The following CLIP4 variants were observed in gnomAD, a reference collection of about 807,000 sequenced individuals.
CLIP4 encodes CAP-Gly domain-containing linker protein 4.
In CLIP4, 47 loss-of-function variants were observed where a neutral mutation model predicts 73.1. The ratio of observed to expected loss-of-function variants is 0.64; its 90% CI spans 0.51 to 0.82. CLIP4 has a LOEUF of 0.82. CLIP4 is among the 40% of genes least tolerant of loss of function. CLIP4 has a pLI of 0.00. For synonymous variants in CLIP4, 306 were observed against 295.4 expected (o/e 1.04, Z -0.37); for missense variants, 874 against 852.9 (o/e 1.02, Z -0.31).
At chr2:29,152,863 G>A in intron 9 of CLIP4, 35 bp downstream of exon 9, 1 of 1,599,272 alleles carries the variant, frequency 6.3e-7, no homozygotes, top group Non-Finnish European at 8.5e-7. Flanking sequence ...ATCTGCTTCA[G>A]TGTTTTAATT....
chr2:29,153,462 T>G (rs1009384357), intron 9 of CLIP4, among the ~76,000 whole-genome samples: 2 of 151,968 alleles, frequency 1.3e-5, no homozygotes, highest in East Asian at 3.9e-4. Context: ...TGTCTCTAGT[T>G]CACTTTAATC....
At chr2:29,106,462 A>G (rs78263487) in intron 1 of CLIP4, among the ~76,000 whole-genome samples, 3,560 of 152,238 alleles carry the variant, frequency 0.023, 118 homozygotes, top group East Asian at 0.091. Context: ...GTGTCTTATG[A>G]TCACAGCTAT....
intron 12 of CLIP4, among the ~76,000 whole-genome samples, chr2:29,161,691 C>T (rs1300018586): frequency 1.3e-5 from 2 of 152,178 alleles, no homozygotes; most frequent in Non-Finnish European, 2.9e-5. Context: ...GTCACCTGCA[C>T]AGCCAGTGTT....
intron 1 of CLIP4, among the ~76,000 whole-genome samples, chr2:29,107,358 G>GTTTTTTTTTTTTTTTTTGTTTTTTTTGT (rs1668241576): frequency 1.5e-5 from 1 of 65,352 alleles, no homozygotes; most frequent in African/African-American, 5.2e-5. Flanking sequence ...GAACATGATA[G>GTTTTTTTTTTTTTTTTTGTTTTTTTTGT]TTTTTTTTTT....
At chr2:29,164,085 C>A in intron 13 of CLIP4, 131 bp downstream of exon 13, 1 of 772,068 alleles carries the variant, frequency 1.3e-6, no homozygotes, top group Non-Finnish European at 2.0e-6. Flanking sequence ...GTTAACCAAC[C>A]ACCTTCTTCA....
chr2:29,156,713 T>C (rs979950791), intron 10 of CLIP4, among the ~76,000 whole-genome samples: 34 of 152,226 alleles, frequency 2.2e-4, no homozygotes, highest in African/African-American at 8.2e-4. Flanking sequence ...TTCCATAATA[T>C]AGAGCACTCT....
At chr2:29,157,557 T>C (rs539335158) in intron 11 of CLIP4, among the ~76,000 whole-genome samples, 187 of 152,382 alleles carry the variant, frequency 1.2e-3, no homozygotes, top group African/African-American at 4.3e-3. Context: ...TATTTTCATG[T>C]AATTCATTCT....
intron 15 of CLIP4, 71 bp downstream of exon 15, chr2:29,174,516 G>A (rs1573039844): frequency 6.4e-7 from 1 of 1,567,308 alleles, no homozygotes; most frequent in African/African-American, 1.4e-5. Flanking sequence ...AGAAAGAAAA[G>A]TGGAGTGCTG....
chr2:29,133,392 A>G (rs916620495), intron 4 of CLIP4, among the ~76,000 whole-genome samples: 8 of 152,198 alleles, frequency 5.3e-5, no homozygotes, highest in Non-Finnish European at 1.0e-4. Context: ...CAATTTATTT[A>G]ACCAATTTCT....
intron 1 of CLIP4, among the ~76,000 whole-genome samples, chr2:29,107,771 C>T (rs949191820): frequency 1.3e-5 from 2 of 152,090 alleles, no homozygotes; most frequent in Non-Finnish European, 2.9e-5. Context: ...ACTGCATCCT[C>T]TATCTCCTGG....
At chr2:29,135,203 G>A (rs1558532971) in intron 5 of CLIP4, among the ~76,000 whole-genome samples, 1 of 152,292 alleles carries the variant, frequency 6.6e-6, no homozygotes, top group African/African-American at 2.4e-5. Context: ...CCTCACTGTA[G>A]TTGTCATGGC....
chr2:29,120,997 T>C (rs1664212395), intron 1 of CLIP4, among the ~76,000 whole-genome samples: 1 of 152,206 alleles, frequency 6.6e-6, no homozygotes, highest in South Asian at 2.1e-4. Context: ...ACAAATGATG[T>C]AACTTGTGCC....
intron 1 of CLIP4, among the ~76,000 whole-genome samples, chr2:29,119,490 T>C (rs1664110116): frequency 6.6e-6 from 1 of 152,192 alleles, no homozygotes; most frequent in African/African-American, 2.4e-5. Context: ...ATCTTTTTGC[T>C]GAAGAATTAA....
At chr2:29,137,199 G>A (rs1055650242) in intron 6 of CLIP4, among the ~76,000 whole-genome samples, 1 of 151,900 alleles carries the variant, frequency 6.6e-6, no homozygotes, top group African/African-American at 2.4e-5. Context: ...CGTCTTTAGG[G>A]GTCCCAGTGT....
chr2:29,144,022 G>T, intron 7 of CLIP4, 77 bp downstream of exon 7: 3 of 1,200,776 alleles, frequency 2.5e-6, no homozygotes, highest in Non-Finnish European at 3.6e-6. Flanking sequence ...AGTATGGTCA[G>T]AGTTTTGAGT....
intron 2 of CLIP4, among the ~76,000 whole-genome samples, chr2:29,127,358 T>G (rs1664671934): frequency 6.6e-6 from 1 of 152,080 alleles, no homozygotes; most frequent in Non-Finnish European, 1.5e-5. Flanking sequence ...ATATTTATAT[T>G]GCCATGAAAA....
chr2:29,147,579 T>C (rs1666257266), intron 8 of CLIP4, among the ~76,000 whole-genome samples: 1 of 152,186 alleles, frequency 6.6e-6, no homozygotes, highest in African/African-American at 2.4e-5. Flanking sequence ...ACTAAATATT[T>C]GTATTTATAC....
Position 29,183,469 on chromosome 2 carries a change from G to A in CLIP4, c.*1576G>A, listed in dbSNP as rs1460165530. ...GAAATGACTGTACTGCGATTCAAAA[G>A]TAAACTTATTTTATTATACAGATTA... On this transcript the variant is annotated 3_prime_UTR_variant, in exon 16 of 16. Transcript: ENST00000320081. 3 of 152,596 alleles carry A rather than the reference G, an allele frequency of 2.0e-5. No individual in the cohort carries two copies. Among genetic ancestry groups the A allele is most frequent in the African/African-American group, 4.8e-5 (2 of 41,444 alleles). The allele number at this position is 152,596 out of a possible 1,614,324, so 9.5% of individuals were successfully genotyped here. A position where few individuals can be genotyped will look rare whatever the true frequency, so the allele number is the denominator to read the frequency against.
chr2:29,140,010 T>G (rs1035794659), intron 6 of CLIP4, among the ~76,000 whole-genome samples: 2 of 152,066 alleles, frequency 1.3e-5, no homozygotes, highest in Non-Finnish European at 2.9e-5. Context: ...TTTTTTTGAC[T>G]AGCTTTGGGT....
Sources: allele counts gnomAD v4.1 joint callset (sites outside exome capture counted in the v4.1 genomes callset), GRCh38; gene constraint gnomAD v4.1.1; transcripts MANE v1.5; gene names NCBI Gene and HGNC (gene_info 2026-07-23, HGNC 2026-07-21).